The following NAMPT variants were observed in gnomAD, a reference collection of about 807,000 sequenced individuals.
The protein encoded by NAMPT is NAmPRTase.
NAMPT carries 7 observed loss-of-function variants against 58.7 expected under a neutral mutation model. The observed-to-expected ratio is 0.12, with a 90% CI of 0.07 to 0.22. The LOEUF is 0.22. Ranked by LOEUF, NAMPT falls within the 10% of genes least tolerant of loss-of-function variation. The pLI, the probability that NAMPT is intolerant of heterozygous loss-of-function variation, is 1.00. For synonymous variants in NAMPT, 145 were observed against 198.1 expected (o/e 0.73, Z 2.25); for missense variants, 271 against 567.9 (o/e 0.48, Z 5.31).
At chr7:106,258,787 T>A (rs1043702563) in intron 8 of NAMPT, among the ~76,000 whole-genome samples, 10 of 152,232 alleles carry the variant, frequency 6.6e-5, no homozygotes, top group Admixed American at 2.6e-4. Context: ...CAGTGAGTCA[T>A]CTTTTTGTTG....
chr7:106,264,013 TA>T (rs1792363119), intron 6 of NAMPT, among the ~76,000 whole-genome samples: 2 of 152,206 alleles, frequency 1.3e-5, no homozygotes, highest in African/African-American at 4.8e-5. Flanking sequence ...ATTATTTTGT[TA>T]GGCAATGAGA....
chr7:106,284,114 T>G, intron 1 of NAMPT, among the ~76,000 whole-genome samples: 1 of 152,332 alleles, frequency 6.6e-6, no homozygotes, highest in East Asian at 1.9e-4. Flanking sequence ...ACAGAAATCC[T>G]GTAATGACCC....
Position 106,284,854 on chromosome 7 carries a change from T to C in NAMPT, c.31A>G (p.Ile11Val), listed in dbSNP as rs1209577193. The part of the protein sequence containing the change: MNPAAEAEFN[I>V]LLATDSYKVT... ...TTGTAGGAGTCGGTGGCCAGGAGGA[T>C]GTTGAACTCGGCTTCTGCCGCAGGA... The change falls in exon 1 of 11, where the codon ATC (isoleucine) becomes GTC (valine). Residue 11 changes from isoleucine (I) to valine (V), a missense_variant. By Grantham distance (29) the Ile-to-Val change is conservative (BLOSUM62 3). Around this residue, in one of 4 missense-constraint regions of NAMPT, gnomAD observed 23 missense variants for 16.4 expected, o/e 1.40. Coordinates refer to ENST00000222553, the MANE Select transcript of NAMPT (RefSeq NM_005746.3). The C allele has an allele frequency of 5.1e-6, 8 of 1,576,164 alleles. No individual in the cohort carries two copies. The highest frequency in any genetic ancestry group is 6.0e-6 in the Non-Finnish European group (7 of 1,160,078).
intron 9 of NAMPT, chr7:106,253,716 G>T (rs1301375030): frequency 6.5e-6 from 1 of 153,346 alleles, no homozygotes; most frequent in African/African-American, 2.4e-5. Context: ...AAGGTAGGCA[G>T]CAAAGAAACA....
chr7:106,254,442 T>A lies in NAMPT; in HGVS notation c.1152A>T (p.Gly384=). 6.2e-7 allele frequency: 1 copy of A among 1,613,920 alleles called. No homozygotes were observed. The highest frequency in any genetic ancestry group is 1.7e-5 in the Admixed American group (1 of 60,012). Residue 384 remains glycine, a synonymous_variant, in exon 9 of 11, where the codon GGA becomes GGT. Transcript: ENST00000222553. ...CTCTTGTCAACTTCTGTAGCAAACC[T>A]CCACCAGAACCGAAGGCAATATTTT... ...SIENIAFGSG[G]GLLQKLTRDL...
intron 3 of NAMPT, among the ~76,000 whole-genome samples, chr7:106,273,840 A>G (rs886758945): frequency 3.9e-5 from 6 of 152,110 alleles, no homozygotes; most frequent in East Asian, 3.8e-4. Flanking sequence ...TTCAAGACCC[A>G]TAAGTACCAA....
chr7:106,278,985 T>A (rs1451363930), intron 1 of NAMPT, among the ~76,000 whole-genome samples: 1 of 152,218 alleles, frequency 6.6e-6, no homozygotes, highest in Non-Finnish European at 1.5e-5. Context: ...ATTTTCTTTT[T>A]CTGAGAAGAC....
intron 1 of NAMPT, among the ~76,000 whole-genome samples, chr7:106,283,504 T>A (rs577500335): frequency 6.6e-6 from 1 of 152,238 alleles, no homozygotes; most frequent in East Asian, 1.9e-4. Context: ...AAACTATCAA[T>A]GAGGCTATTC....
Position 106,267,853 on chromosome 7 carries a change from A to AC in NAMPT, c.743+610_743+611insG, listed in dbSNP as rs1792450470. ...GAGACTCCGTCTCAAAAAAAAAAAA[A>AC]AAAAAAAAAAAAAAAAAAAAAAACA... On this transcript the variant is annotated intron_variant, in intron 6 of 10. Transcript: ENST00000222553. Among the ~76,000 whole-genome samples the AC allele has an allele frequency of 7.9e-5, 9 of 113,912 alleles. 1 individual carries two copies. Among genetic ancestry groups the AC allele is most frequent in the Non-Finnish European group, 1.7e-4 (9 of 51,900 alleles). 74.7% of individuals were successfully genotyped at this position (113,912 alleles called of 152,430 possible).
intron 10 of NAMPT, 94 bp from the exon 11 acceptor site, chr7:106,251,287 C>G: frequency 1.3e-6 from 1 of 776,478 alleles, no homozygotes; most frequent in Non-Finnish European, 2.2e-6. Flanking sequence ...CAGTCAAATA[C>G]AGAGATGCCA....
chr7:106,284,738 A>AACCCCCCCCCCCCCCCC, intron 1 of NAMPT, 90 bp downstream of exon 1: 1 of 486,000 alleles, frequency 2.1e-6, no homozygotes, highest in Non-Finnish European at 2.9e-6. Flanking sequence ...CCCAGCCCCA[A>AACCCCCCCCCCCCCCCC]CCCCAGCCCC....
chr7:106,274,464 T>C (rs1428285554), intron 3 of NAMPT, among the ~76,000 whole-genome samples: 8 of 152,016 alleles, frequency 5.3e-5, no homozygotes. Context: ...ATATATTGGC[T>C]ATAATATAAC....
intron 2 of NAMPT, chr7:106,276,706 G>A (rs142624945): frequency 4.3e-4 from 102 of 238,954 alleles, no homozygotes; most frequent in African/African-American, 2.2e-3. Flanking sequence ...GTTGGGTGTG[G>A]TGGTGCATGC....
At chr7:106,273,164 AATAGGTTCCCTC>A (rs1158201225) in intron 3 of NAMPT, among the ~76,000 whole-genome samples, 1 of 152,232 alleles carries the variant, frequency 6.6e-6, no homozygotes, top group Non-Finnish European at 1.5e-5. Flanking sequence ...GAAGAACCGA[AATAGGTTCCCTC>A]TATTCTGGTC....
chr7:106,284,462 G>A (rs1315597242), intron 1 of NAMPT: 3 of 152,418 alleles, frequency 2.0e-5, no homozygotes, highest in African/African-American at 7.3e-5. Flanking sequence ...CCAAGAGGCC[G>A]CGCTTCAGGG....
rs1426793441 is a variant in NAMPT at position 106,248,718 on chromosome 7, T to G, written c.*2365A>C. On this transcript the variant is annotated 3_prime_UTR_variant, in exon 11 of 11. Transcript: ENST00000222553. Reference sequence around the variant, plus strand: ...AATGTCAGTTGAAAATCTAATGACTTAAATCCATAAATGCCATTTGCTTTT... The same window carrying G: ...AATGTCAGTTGAAAATCTAATGACTGAAATCCATAAATGCCATTTGCTTTT... The G allele has an allele frequency of 2.0e-5, 3 of 152,230 alleles. No individual in the cohort carries two copies. The highest frequency in any genetic ancestry group is 1.9e-4 in the East Asian group (1 of 5,190). 9.4% of individuals were successfully genotyped at this position (152,230 alleles called of 1,614,324 possible). A position where few individuals can be genotyped will look rare whatever the true frequency, so the allele number is the denominator to read the frequency against.
intron 10 of NAMPT, among the ~76,000 whole-genome samples, chr7:106,251,808 A>G (rs541655395): frequency 1.3e-5 from 2 of 152,260 alleles, no homozygotes; most frequent in Admixed American, 1.3e-4. Context: ...CACTTCATCC[A>G]TACAAGAGTA....
Position 106,268,454 on chromosome 7 carries a change from A to G in NAMPT, c.743+10T>C, listed in dbSNP as rs765918660. On this transcript the variant is annotated intron_variant, in intron 6 of 10. Coordinates refer to ENST00000222553, the MANE Select transcript of NAMPT (RefSeq NM_005746.3). Reference sequence around the variant, plus strand: ...ATTAGTAGTTTTAAAAAATGAACAGAATTTTTTACCTGTGTTCTGCTGCTG... The same window carrying G: ...ATTAGTAGTTTTAAAAAATGAACAGGATTTTTTACCTGTGTTCTGCTGCTG... 2.5e-6 allele frequency: 4 copies of G among 1,591,150 alleles called. No homozygotes were observed. Among genetic ancestry groups the G allele is most frequent in the Non-Finnish European group, 3.4e-6 (4 of 1,172,512 alleles).
At chr7:106,260,643 C>G (rs1002020787) in intron 8 of NAMPT, among the ~76,000 whole-genome samples, 1 of 152,222 alleles carries the variant, frequency 6.6e-6, no homozygotes, top group African/African-American at 2.4e-5. Context: ...CCTCACTAAA[C>G]TTAATCATGT....
Sources: allele counts gnomAD v4.1 joint callset (sites outside exome capture counted in the v4.1 genomes callset), GRCh38; gene constraint gnomAD v4.1.1; regional missense constraint gnomAD v4.1.1; transcripts MANE v1.5; gene names NCBI Gene and HGNC (gene_info 2026-07-23, HGNC 2026-07-21).